Variants in FRYL observed in about 807,000 individuals in gnomAD.
FRYL encodes protein furry homolog-like.
In FRYL, 150 loss-of-function variants were observed where a neutral mutation model predicts 351.2. The observed-to-expected ratio is 0.43, with a 90% confidence interval of 0.37 to 0.49. The LOEUF (loss-of-function observed/expected upper bound fraction) is 0.49. Ranked by LOEUF, FRYL falls within the 20% of genes least tolerant of loss-of-function variation. The pLI is 0.00. For synonymous variants in FRYL, 1,153 were observed against 1,257.1 expected, an observed-to-expected ratio of 0.92 and a Z score of 1.75; for missense variants, 3,036 against 3,619.3, an observed-to-expected ratio of 0.84 and a Z score of 4.13.
chr4:48,721,412 C>A (rs1397061067), intron 1 of FRYL, among the ~76,000 whole-genome samples: 1 of 150,994 alleles, frequency 6.6e-6, no homozygotes, highest in African/African-American at 2.4e-5. Flanking sequence ...CACCTGTAAT[C>A]CTAGTACTTT....
intron 2 of FRYL, among the ~76,000 whole-genome samples, chr4:48,704,545 A>G (rs7690793): frequency 0.97 from 148,460 of 152,318 alleles, 72,465 homozygotes; most frequent in East Asian, 1. Flanking sequence ...GGGCATGGTG[A>G]CTCACGTCTG....
intron 33 of FRYL, among the ~76,000 whole-genome samples, chr4:48,560,248 T>C (rs1184877672): frequency 5.9e-5 from 9 of 152,220 alleles, no homozygotes; most frequent in Non-Finnish European, 1.5e-5. Context: ...TACCTGTATC[T>C]GTGCAGTAAA....
In FRYL at chr4:48,499,221, G is replaced by A; in HGVS notation, c.*201C>T. 1 of 550,840 alleles carries A rather than the reference G, an allele frequency of 1.8e-6. No individual in the cohort carries two copies. The highest frequency in any genetic ancestry group is 3.2e-6 in the Non-Finnish European group (1 of 310,256). The allele number at this position is 550,840 out of a possible 1,614,324, so 34.1% of individuals were successfully genotyped here. On this transcript the variant is annotated 3_prime_UTR_variant, in exon 64 of 64. Transcript: ENST00000358350. ...AATTCCTTCTTCACGCAGTTATTGT[G>A]GGAGATATTGGCAGCTGTTAAAATA...
chr4:48,759,676 CT>C lies in FRYL; in HGVS notation c.-384+20401del, dbSNP rs370057723. Among the ~76,000 whole-genome samples the C allele has an allele frequency of 1.5e-3, 226 of 152,050 alleles. No individual in the cohort carries two copies. In the Middle Eastern group the frequency reaches 0.021, roughly 14 times the overall value. ...TGTTGCCCAGGCTGGTCTCAAACTC[CT>C]GGGCTCAAAGGATCCTTCCGCCTCG... On this transcript the variant is annotated intron_variant, in intron 1 of 63. Transcript: ENST00000358350.
At chr4:48,605,957 A>G in intron 10 of FRYL, 124 bp from the exon 11 acceptor site, 1 of 633,660 alleles carries the variant, frequency 1.6e-6, no homozygotes, top group Non-Finnish European at 2.8e-6. Flanking sequence ...TGCATCTTCA[A>G]GTCAAAAAAC....
chr4:48,663,563 TAA>T (rs1294019585), intron 3 of FRYL, among the ~76,000 whole-genome samples: 1 of 150,802 alleles, frequency 6.6e-6, no homozygotes, highest in Non-Finnish European at 1.5e-5. Flanking sequence ...ATTGAGTAAA[TAA>T]AAGAGATCCC....
chr4:48,651,637 T>C (rs1757734427), intron 3 of FRYL, among the ~76,000 whole-genome samples: 1 of 152,200 alleles, frequency 6.6e-6, no homozygotes, highest in Non-Finnish European at 1.5e-5. Flanking sequence ...CGTTTTATAC[T>C]TCTATCTGCC....
At chr4:48,640,461 G>C (rs1488707585) in intron 3 of FRYL, among the ~76,000 whole-genome samples, 1 of 152,126 alleles carries the variant, frequency 6.6e-6, no homozygotes, top group African/African-American at 2.4e-5. Flanking sequence ...AAAGACTGTA[G>C]AGTCAATAAA....
intron 4 of FRYL, among the ~76,000 whole-genome samples, chr4:48,632,597 A>AT: frequency 6.6e-6 from 1 of 151,152 alleles, no homozygotes; most frequent in Non-Finnish European, 1.5e-5. Context: ...TACAATATAC[A>AT]CAAAAAATAT....
intron 50 of FRYL, among the ~76,000 whole-genome samples, chr4:48,530,674 A>G (rs1265072677): frequency 6.6e-6 from 1 of 152,110 alleles, no homozygotes; most frequent in Non-Finnish European, 1.5e-5. Context: ...AGTGTCTGGA[A>G]CACCATGCTT....
intron 1 of FRYL, among the ~76,000 whole-genome samples, chr4:48,749,993 G>T (rs951231304): frequency 2.6e-5 from 4 of 152,000 alleles, no homozygotes; most frequent in African/African-American, 9.7e-5. Context: ...AATTAGCCAG[G>T]CATGGTAGTA....
At chr4:48,609,645 A>C (rs1747650601) in intron 8 of FRYL, 99 bp downstream of exon 8, 3 of 543,752 alleles carry the variant, frequency 5.5e-6, no homozygotes, top group Non-Finnish European at 9.7e-6. Context: ...GAAGATAAGA[A>C]TTGCCTTGAA....
At chr4:48,532,973 A>G (rs1024641078) in intron 49 of FRYL, among the ~76,000 whole-genome samples, 2 of 152,216 alleles carry the variant, frequency 1.3e-5, no homozygotes, top group African/African-American at 4.8e-5. Context: ...TTTTAAAATC[A>G]GGAGATTTTA....
chr4:48,615,667 T>C (rs1168160226), intron 7 of FRYL, among the ~76,000 whole-genome samples: 1 of 152,244 alleles, frequency 6.6e-6, no homozygotes, highest in Non-Finnish European at 1.5e-5. Context: ...CTGGAATTAA[T>C]TTTGTTTCCA....
intron 42 of FRYL, 54 bp from the exon 43 acceptor site, chr4:48,544,958 T>A (rs530353691): frequency 2.5e-4 from 388 of 1,552,138 alleles, no homozygotes; most frequent in Non-Finnish European, 3.2e-4. Context: ...TGATTAACAG[T>A]TGTACTCACA....
At chr4:48,599,879 G>A (rs183170208) in intron 13 of FRYL, among the ~76,000 whole-genome samples, 3 of 152,218 alleles carry the variant, frequency 2.0e-5, no homozygotes, top group Admixed American at 6.5e-5. Context: ...AGGCTGAGGC[G>A]GGTGAATAAC....
In FRYL at chr4:48,499,200, CCTT is replaced by C. The variant is rs1468587453; in HGVS notation, c.*219_*221del. 6.1e-6 allele frequency: 3 copies of C among 491,314 alleles called. No individual in the cohort carries two copies. The highest frequency in any genetic ancestry group is 1.1e-5 in the Non-Finnish European group (3 of 274,596). The allele number at this position is 491,314 out of a possible 1,614,324, so 30.4% of individuals were successfully genotyped here. A position where few individuals can be genotyped will look rare whatever the true frequency, so the allele number is the denominator to read the frequency against. On this transcript the variant is annotated 3_prime_UTR_variant, in exon 64 of 64. Transcript: ENST00000358350. The stretch of plus-strand genomic sequence containing the variant: ...ACGTAGGTTAAGTAATTAAAAAATT[CCTT>C]CTTCACGCAGTTATTGTGGGAGATA...
intron 26 of FRYL, chr4:48,572,056 G>T: frequency 1.1e-6 from 1 of 896,136 alleles, no homozygotes; most frequent in Non-Finnish European, 1.3e-6. Flanking sequence ...CTGAATTAAA[G>T]GAGAATGAGG....
intron 1 of FRYL, among the ~76,000 whole-genome samples, chr4:48,750,795 A>G (rs1013221955): frequency 2.6e-5 from 4 of 152,186 alleles, no homozygotes; most frequent in Non-Finnish European, 5.9e-5. Flanking sequence ...GTTGAGAGTC[A>G]TTCTTCATTT....
Sources: allele counts gnomAD v4.1 joint callset (sites outside exome capture counted in the v4.1 genomes callset), GRCh38; gene constraint gnomAD v4.1.1; transcripts MANE v1.5; gene names NCBI Gene and HGNC (gene_info 2026-07-23, HGNC 2026-07-21).